The following TTC7A variants were observed in gnomAD, a reference collection of about 807,000 sequenced individuals.
The protein encoded by TTC7A is tetratricopeptide repeat domain 7A.
Under a neutral mutation model 103.7 loss-of-function variants are expected in TTC7A, and 110 were observed. The ratio of observed to expected loss-of-function variants is 1.06; its 90% CI spans 0.91 to 1.24. The LOEUF (loss-of-function observed/expected upper bound fraction) is 1.24, where lower values mean the gene tolerates loss of function less well. Ranked by LOEUF, TTC7A falls within the 50% of genes most tolerant of loss-of-function variation. The probability of loss-of-function intolerance (pLI) is 0.00; values close to 1 mark genes in which losing one functional copy is unlikely to be tolerated. For synonymous variants in TTC7A, 521 were observed against 467.9 expected (o/e 1.11, Z -1.47); for missense variants, 1,340 against 1,116.3 (o/e 1.20, Z -2.86).
At chr2:46,939,620 AAGG>A (rs1670162950), upstream of TTC7A, among the ~76,000 whole-genome samples, 1 of 152,148 alleles carries the variant, frequency 6.6e-6, no homozygotes, top group South Asian at 2.1e-4. Context: ...AGAGGCAGGA[AAGG>A]AGGTCTTATT....
chr2:47,016,214 T>C (rs564030129), intron 11 of TTC7A, among the ~76,000 whole-genome samples: 24 of 152,340 alleles, frequency 1.6e-4, no homozygotes, highest in Admixed American at 1.2e-3. Flanking sequence ...CCCTTACTTA[T>C]GTAACACAAA....
intron 18 of TTC7A, among the ~76,000 whole-genome samples, chr2:47,056,684 AT>A (rs1259087149): frequency 6.6e-6 from 1 of 152,214 alleles, no homozygotes; most frequent in Non-Finnish European, 1.5e-5. Context: ...GATGTTTTCC[AT>A]TTGTAGCCTG....
At chr2:46,998,443 C>T (rs947910483) in intron 8 of TTC7A, among the ~76,000 whole-genome samples, 3 of 152,148 alleles carry the variant, frequency 2.0e-5, no homozygotes, top group African/African-American at 4.8e-5. Flanking sequence ...ATGGGTTCCA[C>T]TCTACCAGCC....
In TTC7A at chr2:46,995,144, G is replaced by A; in HGVS notation, c.1010G>A (p.Cys337Tyr). The A allele has an allele frequency of 6.2e-7, 1 of 1,614,160 alleles. No individual in the cohort carries two copies. Among genetic ancestry groups the A allele is most frequent in the South Asian group, 1.1e-5 (1 of 91,072 alleles). Residue 337 changes from cysteine to tyrosine, a missense_variant, in exon 8 of 20, where the codon TGC becomes TAC. Coordinates refer to ENST00000319190, the MANE Select transcript of TTC7A (RefSeq NM_020458.4). ...PHLYEGDNLY[C>Y]PKDNIEEALL... ...TCATTGGTGTCTTTCAGCCTCTACTGCCCCAAGGACAACATCGAGGAAGCC... is the reference window on the plus strand; with the variant it reads ...TCATTGGTGTCTTTCAGCCTCTACTACCCCAAGGACAACATCGAGGAAGCC...
chr2:46,961,604 T>TAAATAAATAAAA (rs765403034), intron 3 of TTC7A, among the ~76,000 whole-genome samples: 6 of 144,758 alleles, frequency 4.1e-5, no homozygotes, highest in South Asian at 2.2e-4. Flanking sequence ...AATAAATAAA[T>TAAATAAATAAAA]AAAATAAAAA....
In TTC7A at chr2:47,029,336, C is replaced by T. The variant is rs1412072899; in HGVS notation, c.1754C>T (p.Ala585Val). Residue 585 changes from alanine (A) to valine (V), a missense_variant, in exon 15 of 20, where the codon GCC becomes GTC. Physicochemically the swap from Ala to Val is moderately conservative, Grantham distance 64. Coordinates refer to ENST00000319190, the MANE Select transcript of TTC7A (RefSeq NM_020458.4). ...LFSAQKHHQH[A>V]LDVVNMAITE... ...TCTGCCCAGAAGCACCACCAGCATG[C>T]CCTGGATGTTGTCAACATGGCCATC... 2 of 1,613,970 alleles carry T rather than the reference C, an allele frequency of 1.2e-6. No individual in the cohort carries two copies. The highest frequency in any genetic ancestry group is 1.7e-6 in the Non-Finnish European group (2 of 1,180,036).
At chr2:47,062,306 A>G (rs1047686561) in intron 19 of TTC7A, among the ~76,000 whole-genome samples, 9 of 152,198 alleles carry the variant, frequency 5.9e-5, no homozygotes, top group Non-Finnish European at 1.2e-4. Flanking sequence ...CAGCTCAGCT[A>G]TTACTCCCGC....
chr2:46,952,046 G>A (rs986532083), intron 2 of TTC7A, among the ~76,000 whole-genome samples: 3 of 152,184 alleles, frequency 2.0e-5, no homozygotes, highest in Non-Finnish European at 4.4e-5. Flanking sequence ...GGTTGTAAAG[G>A]TACTTTGGGG....
At chr2:46,998,839 G>T (rs1676495610) in intron 8 of TTC7A, among the ~76,000 whole-genome samples, 1 of 152,168 alleles carries the variant, frequency 6.6e-6, no homozygotes, top group Non-Finnish European at 1.5e-5. Context: ...AGCTGACTAT[G>T]TGCGATCAGA....
chr2:46,937,343 C>T (rs1670030110), upstream of TTC7A, among the ~76,000 whole-genome samples: 1 of 152,078 alleles, frequency 6.6e-6, no homozygotes, highest in African/African-American at 2.4e-5. This position sits in a 1 kb window ranked among gnomAD's most constrained non-coding sequence, Gnocchi z 4.0. Flanking sequence ...CCCTTTCCTC[C>T]TGGCTGGCTA....
chr2:47,049,832 G>A, intron 16 of TTC7A, 117 bp from the exon 17 acceptor site: 1 of 738,404 alleles, frequency 1.4e-6, no homozygotes. Context: ...GAGCCTGCCT[G>A]GAGTGAGGCT....
rs1347858432 is a variant in TTC7A at position 47,007,243 on chromosome 2, G to A, written c.1287+519G>A. Among the ~76,000 whole-genome samples the A allele has an allele frequency of 1.3e-5, 2 of 152,124 alleles. No individual in the cohort carries two copies. The highest frequency in any genetic ancestry group is 2.9e-5 in the Non-Finnish European group (2 of 68,012). On this transcript the variant is annotated intron_variant, in intron 10 of 19. Transcript: ENST00000319190. This position sits in a 1 kb window ranked among gnomAD's most constrained non-coding sequence, Gnocchi z 4.9. ...CATGGGGCTGGGAGCACCTGCATGGGGACAGGGCCTGGCGGGACGCTGCCC... is the reference window on the plus strand; with the variant it reads ...CATGGGGCTGGGAGCACCTGCATGGAGACAGGGCCTGGCGGGACGCTGCCC...
intron 2 of TTC7A, among the ~76,000 whole-genome samples, chr2:46,930,109 T>C (rs779006961): frequency 2.6e-5 from 4 of 152,192 alleles, no homozygotes; most frequent in Non-Finnish European, 5.9e-5. Context: ...TTCCCTACTG[T>C]TATTTAAGTA....
chr2:46,957,837 C>G (rs952438691), intron 3 of TTC7A, among the ~76,000 whole-genome samples: 1 of 152,200 alleles, frequency 6.6e-6, no homozygotes, highest in African/African-American at 2.4e-5. Flanking sequence ...TAGTGCAGCA[C>G]AAACCAACCT....
intron 4 of TTC7A, among the ~76,000 whole-genome samples, chr2:46,976,134 C>A (rs1334170622): frequency 1.3e-5 from 2 of 152,244 alleles, no homozygotes; most frequent in African/African-American, 2.4e-5. Flanking sequence ...TCCTGCTAGC[C>A]CTTCTTGAGT....
chr2:47,023,185 T>A, intron 12 of TTC7A, among the ~76,000 whole-genome samples: 1 of 152,112 alleles, frequency 6.6e-6, no homozygotes, highest in Admixed American at 6.5e-5. Flanking sequence ...AGGGTTAAGG[T>A]AGTTCAGGCG....
chr2:46,918,195 T>C (rs1668914477), intron 2 of TTC7A, among the ~76,000 whole-genome samples: 1 of 152,208 alleles, frequency 6.6e-6, no homozygotes, highest in Non-Finnish European at 1.5e-5. Context: ...TGCACCTCTC[T>C]CAGTCTTGTG....
intron 2 of TTC7A, among the ~76,000 whole-genome samples, chr2:46,934,805 T>C (rs1237995249): frequency 4.8e-5 from 6 of 125,718 alleles, no homozygotes; most frequent in Middle Eastern, 3.3e-3. Flanking sequence ...TTTTTTTTTT[T>C]TTTTTTTTTT....
intron 13 of TTC7A, 92 bp downstream of exon 13, chr2:47,023,557 A>C: frequency 4.6e-6 from 6 of 1,316,878 alleles, no homozygotes; most frequent in Non-Finnish European, 6.5e-6. Flanking sequence ...ATGTGGGCAG[A>C]ACAAACATTT....
Sources: gnomAD v4.1 joint callset for allele counts (sites outside exome capture counted in the v4.1 genomes callset) on GRCh38, gnomAD v4.1.1 for gene constraint, Gnocchi (gnomAD v3.1) non-coding constraint, MANE v1.5 for transcripts, NCBI Gene and HGNC (gene_info 2026-07-23, HGNC 2026-07-21) for gene names.